Variants in DLGAP1 observed in about 807,000 individuals in gnomAD.
DLGAP1 encodes the protein DLG associated protein 1.
DLGAP1 carries 11 observed loss-of-function variants against 90.8 expected under a neutral mutation model. The ratio of observed to expected loss-of-function variants is 0.12; its 90% CI spans 0.08 to 0.20. The LOEUF is 0.20. DLGAP1 is among the 10% of genes least tolerant of loss of function. The pLI is 1.00. For synonymous variants in DLGAP1, 558 were observed against 540.7 expected, an observed-to-expected ratio of 1.03 and a Z score of -0.44; for missense variants, 1,050 against 1,333.8, an observed-to-expected ratio of 0.79 and a Z score of 3.31.
chr18:3,742,230 G>A, intron 6 of DLGAP1, 105 bp downstream of exon 6: 2 of 1,354,976 alleles, frequency 1.5e-6, no homozygotes, highest in Non-Finnish European at 1.0e-6. Flanking sequence ...ATCCATCAAT[G>A]GTCTACTGGA....
chr18:3,865,474 T>C (rs1202476630), intron 4 of DLGAP1, among the ~76,000 whole-genome samples: 2 of 152,230 alleles, frequency 1.3e-5, no homozygotes, highest in Admixed American at 1.3e-4. Context: ...TTACTTGTTT[T>C]CAAACATGAC....
At chr18:4,005,698 T>G (rs1176836201) in intron 2 of DLGAP1, among the ~76,000 whole-genome samples, 1 of 152,176 alleles carries the variant, frequency 6.6e-6, no homozygotes, top group African/African-American at 2.4e-5. Context: ...CTATTGCAGC[T>G]GCTCTGATAG....
chr18:4,325,497 T>TA (rs1598903868), intron 1 of DLGAP1, among the ~76,000 whole-genome samples: 4 of 150,832 alleles, frequency 2.7e-5, no homozygotes, highest in South Asian at 4.2e-4. Context: ...TTCACACAAC[T>TA]AAAAAAAAAC....
rs563979785 is a variant in DLGAP1, at chr18:4,146,572, T to A, written c.-159+4608A>T. 2.6e-5 allele frequency among the ~76,000 whole-genome samples: 4 copies of A among 152,270 alleles called. No individual in the cohort carries two copies. In the East Asian group the frequency reaches 7.7e-4, roughly 29 times the overall value. On this transcript the variant is annotated intron_variant, in intron 2 of 12. Coordinates refer to ENST00000315677, the MANE Select transcript of DLGAP1 (RefSeq NM_004746.4). ...TTTTATAATGGAGGTAACTGAAGCC[T>A]AGGGACTAGCCAAGAACATACAGCA...
chr18:3,572,431 T>A (rs1197915879), intron 8 of DLGAP1, among the ~76,000 whole-genome samples: 1 of 141,080 alleles, frequency 7.1e-6, no homozygotes, highest in Non-Finnish European at 1.5e-5. Flanking sequence ...TTCTTTTATT[T>A]ATTTATTTGT....
At chr18:4,012,892 A>AG (rs1015989121) in intron 2 of DLGAP1, among the ~76,000 whole-genome samples, 4 of 152,080 alleles carry the variant, frequency 2.6e-5, no homozygotes, top group Non-Finnish European at 5.9e-5. Context: ...TTATAGAGAC[A>AG]GGGGGTCTCA....
At chr18:4,212,317 C>T (rs576018608) in intron 1 of DLGAP1, among the ~76,000 whole-genome samples, 48 of 152,044 alleles carry the variant, frequency 3.2e-4, no homozygotes, top group South Asian at 8.3e-4. Context: ...GTCGCTTATT[C>T]CCAAACTGAC....
intron 7 of DLGAP1, among the ~76,000 whole-genome samples, chr18:3,595,716 A>C (rs1050358858): frequency 2.6e-5 from 4 of 152,166 alleles, no homozygotes; most frequent in Admixed American, 2.6e-4. Flanking sequence ...TCCAGTAGGG[A>C]ATGTGATCAG....
At chr18:3,534,733 C>G (rs2052239080) in intron 9 of DLGAP1, 118 bp from the exon 10 acceptor site, 1 of 991,640 alleles carries the variant, frequency 1.0e-6, no homozygotes, top group Non-Finnish European at 1.4e-6. Flanking sequence ...CTCTGTCTCC[C>G]AGGCTGGAGT....
At chr18:3,576,746 A>G (rs571035924) in intron 8 of DLGAP1, among the ~76,000 whole-genome samples, 50 of 150,602 alleles carry the variant, frequency 3.3e-4, no homozygotes, top group African/African-American at 1.2e-3. Flanking sequence ...TTGTATTTTT[A>G]GTAGAGATGG....
intron 3 of DLGAP1, among the ~76,000 whole-genome samples, chr18:3,924,367 T>C (rs1448909363): frequency 6.6e-6 from 1 of 152,170 alleles, no homozygotes; most frequent in Non-Finnish European, 1.5e-5. Context: ...GTGCCCTAGG[T>C]CCACACCCTC....
chr18:4,298,908 C>T (rs931572381), intron 1 of DLGAP1, among the ~76,000 whole-genome samples: 1 of 151,878 alleles, frequency 6.6e-6, no homozygotes, highest in Non-Finnish European at 1.5e-5. Flanking sequence ...GGTGAAACCC[C>T]GTCTCTACTA....
At position 4,095,901 on chromosome 18, in the gene DLGAP1, G is replaced by A. The variant is rs948804013; in HGVS notation, c.-159+55279C>T. 3.9e-5 allele frequency among the ~76,000 whole-genome samples: 6 copies of A among 151,948 alleles called. 1 individual carries two copies. In the East Asian group the frequency reaches 9.7e-4, roughly 25 times the overall value. On this transcript the variant is annotated intron_variant, in intron 2 of 12. Coordinates refer to ENST00000315677, the MANE Select transcript of DLGAP1 (RefSeq NM_004746.4). ...AGAAGGAGGGGTAGGCGGAATCTTC[G>A]AAGTGATTTAATTTAAACCTGAATC... is the stretch of plus-strand genomic sequence containing the variant.
chr18:4,413,711 G>T (rs1162503717), intron 1 of DLGAP1, among the ~76,000 whole-genome samples: 1 of 152,186 alleles, frequency 6.6e-6, no homozygotes, highest in African/African-American at 2.4e-5. Flanking sequence ...TTAGGACGGG[G>T]TTTCCTTTGT....
chr18:4,150,208 G>A (rs16946111), intron 2 of DLGAP1, among the ~76,000 whole-genome samples: 2 of 151,996 alleles, frequency 1.3e-5, no homozygotes, highest in South Asian at 2.1e-4. Flanking sequence ...AGCAAGTAAC[G>A]CAGACAAAGA....
At chr18:4,415,972 C>A (rs1323181900) in intron 1 of DLGAP1, among the ~76,000 whole-genome samples, 1 of 152,110 alleles carries the variant, frequency 6.6e-6, no homozygotes, top group African/African-American at 2.4e-5. Flanking sequence ...CTCATTTGAT[C>A]GCTTTGAGGT....
intron 3 of DLGAP1, among the ~76,000 whole-genome samples, chr18:3,900,649 G>T (rs763933027): frequency 5.7e-4 from 87 of 152,250 alleles, no homozygotes; most frequent in Non-Finnish European, 9.6e-4. Flanking sequence ...TCCAAGACTT[G>T]TAAAAGAGGA....
intron 3 of DLGAP1, among the ~76,000 whole-genome samples, chr18:3,948,114 G>A (rs2072912627): frequency 6.6e-6 from 1 of 152,184 alleles, no homozygotes. Context: ...GAACACAGAA[G>A]AGACCAACTG....
At chr18:4,157,585 T>C (rs2076777929) in intron 1 of DLGAP1, among the ~76,000 whole-genome samples, 1 of 152,214 alleles carries the variant, frequency 6.6e-6, no homozygotes, top group Non-Finnish European at 1.5e-5. Flanking sequence ...AGAAAAGCCC[T>C]GTGCTTTGTT....
Sources: gnomAD v4.1 joint callset for allele counts (sites outside exome capture counted in the v4.1 genomes callset) on GRCh38, gnomAD v4.1.1 for gene constraint, MANE v1.5 for transcripts, NCBI Gene and HGNC (gene_info 2026-07-23, HGNC 2026-07-21) for gene names.